IQCJ: variants seen among roughly 807,000 people sequenced by gnomAD.
The protein encoded by IQCJ is IQ domain-containing protein J.
IQCJ carries 9 observed loss-of-function variants against 11.0 expected under a neutral mutation model. That is an observed-to-expected ratio of 0.82 (90% CI 0.49 to 1.43). The LOEUF is 1.43. IQCJ is among the 40% of genes most tolerant of loss of function. IQCJ has a pLI of 0.00. For synonymous variants in IQCJ, 55 were observed against 51.3 expected (o/e 1.07, Z -0.31); for missense variants, 146 against 133.2 (o/e 1.10, Z -0.47).
At chr3:159,142,030 G>A (rs1359359461) in intron 1 of IQCJ, among the ~76,000 whole-genome samples, 1 of 152,178 alleles carries the variant, frequency 6.6e-6, no homozygotes, top group Non-Finnish European at 1.5e-5. Flanking sequence ...ATACCTTGAG[G>A]CATGGAGTAA....
Position 159,109,666 on chromosome 3 carries a change from G to GGT in IQCJ, c.9+40240_9+40241dup, listed in dbSNP as rs149581432. On this transcript the variant is annotated intron_variant, in intron 1 of 3. Transcript: ENST00000397832. Reference sequence around the variant, plus strand: ...GGATTTTCTTTGGTGTGGGTGTGTGGGTGTGTGTGTGTGTGTCCTGCACCT... The same window carrying GGT: ...GGATTTTCTTTGGTGTGGGTGTGTGGGTGTGTGTGTGTGTGTGTCCTGCACCT... 1.9e-4 allele frequency among the ~76,000 whole-genome samples: 29 copies of GGT among 150,802 alleles called. No individual in the cohort carries two copies. In the South Asian group the frequency reaches 2.1e-3, roughly 11 times the overall value.
intron 1 of IQCJ, among the ~76,000 whole-genome samples, chr3:159,138,942 A>G (rs1336164260): frequency 6.6e-6 from 1 of 152,216 alleles, no homozygotes. Context: ...TTTGCCTACA[A>G]CAGTGAAATC....
intron 1 of IQCJ, among the ~76,000 whole-genome samples, chr3:159,087,588 A>G (rs1344764687): frequency 1.3e-5 from 2 of 149,766 alleles, no homozygotes; most frequent in African/African-American, 4.9e-5. Flanking sequence ...TATTGCCACA[A>G]TTTCAGATCC....
chr3:159,182,211 T>A (rs2365479), intron 1 of IQCJ, among the ~76,000 whole-genome samples: 47,558 of 151,304 alleles, frequency 0.31, 8,001 homozygotes, highest in African/African-American at 0.4. Context: ...ATACTTTTTT[T>A]AAAAAAAACA....
chr3:159,172,616 C>T (rs1722541944), intron 1 of IQCJ, among the ~76,000 whole-genome samples: 1 of 152,000 alleles, frequency 6.6e-6, no homozygotes, highest in Admixed American at 6.6e-5. Context: ...CTGCATTTGC[C>T]TGCAGATCCT....
At chr3:159,222,811 C>CTTAAG (rs148537079) in intron 1 of IQCJ, among the ~76,000 whole-genome samples, 4,952 of 151,972 alleles carry the variant, frequency 0.033, 245 homozygotes, top group African/African-American at 0.11. Context: ...TATTGTACGC[C>CTTAAG]TTAATACAAT....
chr3:159,082,152 C>G (rs903481109), intron 1 of IQCJ, among the ~76,000 whole-genome samples: 2 of 152,088 alleles, frequency 1.3e-5, no homozygotes, highest in African/African-American at 2.4e-5. Flanking sequence ...GAAAATCTTA[C>G]ACAACCTGGT....
At chr3:159,175,659 C>T (rs879029203) in intron 1 of IQCJ, among the ~76,000 whole-genome samples, 1 of 151,990 alleles carries the variant, frequency 6.6e-6, no homozygotes, top group African/African-American at 2.4e-5. Flanking sequence ...CAGGTTGTTT[C>T]GTATATCAAT....
intron 1 of IQCJ, among the ~76,000 whole-genome samples, chr3:159,087,669 T>G (rs1198785466): frequency 3.5e-5 from 5 of 143,616 alleles, no homozygotes; most frequent in Non-Finnish European, 6.1e-5. Flanking sequence ...GTCAAGGAAT[T>G]TATCCATTTC....
intron 3 of IQCJ, among the ~76,000 whole-genome samples, chr3:159,254,043 A>G (rs1727756596): frequency 2.0e-5 from 3 of 152,216 alleles, no homozygotes; most frequent in African/African-American, 2.4e-5. Context: ...CTTACTAAAT[A>G]CATAATGAAT....
rs1371818316 is a variant in IQCJ at position 159,171,345 on chromosome 3, T to C, written c.10-74498T>C. On this transcript the variant is annotated intron_variant, in intron 1 of 3. Coordinates refer to ENST00000397832, the MANE Select transcript of IQCJ (RefSeq NM_001042706.3). ...TTTAGACATTATAGATGGCAGGGTA[T>C]ATAGGCATTTGTGCGTCAGAGACAC... Among the ~76,000 whole-genome samples, 5 of 152,338 alleles carry C rather than the reference T, an allele frequency of 3.3e-5. No individual in the cohort carries two copies. In the East Asian group the frequency reaches 9.6e-4, roughly 29 times the overall value.
At chr3:159,085,287 T>C (rs1482124738) in intron 1 of IQCJ, among the ~76,000 whole-genome samples, 2 of 151,012 alleles carry the variant, frequency 1.3e-5, no homozygotes, top group Non-Finnish European at 3.0e-5. Context: ...ATGGTGTATA[T>C]GTGCCACATT....
intron 1 of IQCJ, among the ~76,000 whole-genome samples, chr3:159,243,651 A>G (rs1185527084): frequency 1.3e-5 from 2 of 152,252 alleles, no homozygotes; most frequent in Non-Finnish European, 2.9e-5. Context: ...CCTGGGAATG[A>G]TAAATGTTCT....
intron 1 of IQCJ, among the ~76,000 whole-genome samples, chr3:159,230,361 T>C (rs1051107179): frequency 6.6e-6 from 1 of 152,190 alleles, no homozygotes; most frequent in Middle Eastern, 3.2e-3. Flanking sequence ...TACAAGTGCA[T>C]GTGTCTTTTT....
chr3:159,145,339 A>G (rs946399222), intron 1 of IQCJ, among the ~76,000 whole-genome samples: 1 of 152,238 alleles, frequency 6.6e-6, no homozygotes, highest in Non-Finnish European at 1.5e-5. Context: ...CTACCCATGC[A>G]TAGAGTTAAA....
At chr3:159,257,220 TG>T (rs953892516) in intron 3 of IQCJ, among the ~76,000 whole-genome samples, 1 of 152,122 alleles carries the variant, frequency 6.6e-6, no homozygotes, top group Non-Finnish European at 1.5e-5. Flanking sequence ...GAAGAGGACT[TG>T]TTTGAAAAGA....
chr3:159,204,166 T>A (rs1398620360), intron 1 of IQCJ, among the ~76,000 whole-genome samples: 2 of 152,192 alleles, frequency 1.3e-5, no homozygotes, highest in East Asian at 3.9e-4. Context: ...CTTAGTAATA[T>A]AAAGCAATGA....
chr3:159,203,764 C>T (rs953165946), intron 1 of IQCJ, among the ~76,000 whole-genome samples: 21 of 152,204 alleles, frequency 1.4e-4, no homozygotes, highest in African/African-American at 4.8e-4. Flanking sequence ...GTCACCAAAA[C>T]GAGCACCACT....
At chr3:159,233,550 T>C (rs1243894979) in intron 1 of IQCJ, among the ~76,000 whole-genome samples, 1 of 152,218 alleles carries the variant, frequency 6.6e-6, no homozygotes, top group Non-Finnish European at 1.5e-5. Flanking sequence ...TTAAAATAAC[T>C]AATGTCATCG....
Sources: allele counts gnomAD v4.1 joint callset (sites outside exome capture counted in the v4.1 genomes callset), GRCh38; gene constraint gnomAD v4.1.1; transcripts MANE v1.5; gene names NCBI Gene and HGNC (gene_info 2026-07-23, HGNC 2026-07-21).